The following SLC6A16 variants were observed in gnomAD, a reference collection of about 807,000 sequenced individuals.
The protein encoded by SLC6A16 is solute carrier family 6 member 16.
Under a neutral mutation model 65.4 loss-of-function variants are expected in SLC6A16, and 54 were observed. The ratio of observed to expected loss-of-function variants is 0.83; its 90% CI spans 0.66 to 1.04. SLC6A16 has a LOEUF of 1.04. Ranked by LOEUF, SLC6A16 falls within the 50% of genes least tolerant of loss-of-function variation. SLC6A16 has a pLI of 0.00. For synonymous variants in SLC6A16, 330 were observed against 346.5 expected (o/e 0.95, Z 0.53); for missense variants, 816 against 914.0 (o/e 0.89, Z 1.38).
rs890278542 is a variant in SLC6A16, at chr19:49,292,516, T to C, written c.1778+707A>G. ...ATGGCACTCCCACCTGAAAATGTCATTCTCCTACTCAAAACCCTCCAATGC... is the reference window on the plus strand; with the variant it reads ...ATGGCACTCCCACCTGAAAATGTCACTCTCCTACTCAAAACCCTCCAATGC... On this transcript the variant is annotated intron_variant, in intron 10 of 11. Transcript: ENST00000335875. This position sits in a 1 kb window ranked among gnomAD's most constrained non-coding sequence, Gnocchi z 4.3. 6.6e-6 allele frequency among the ~76,000 whole-genome samples: 1 copy of C among 152,200 alleles called. No homozygotes were observed. The highest frequency in any genetic ancestry group is 2.4e-5 in the African/African-American group (1 of 41,450).
intron 7 of SLC6A16, among the ~76,000 whole-genome samples, chr19:49,307,922 C>T (rs1406765434): frequency 6.7e-6 from 1 of 149,960 alleles, no homozygotes; most frequent in Non-Finnish European, 1.5e-5. Context: ...TTCCTTCCCC[C>T]TCCAAAATTG....
intron 1 of SLC6A16, among the ~76,000 whole-genome samples, chr19:49,321,699 G>A (rs1279321261): frequency 6.6e-6 from 1 of 150,542 alleles, no homozygotes; most frequent in Non-Finnish European, 1.5e-5. Context: ...TCATACCACT[G>A]CACTCCAGCC....
At chr19:49,319,576 CA>C (rs940262811) in intron 1 of SLC6A16, among the ~76,000 whole-genome samples, 26 of 151,308 alleles carry the variant, frequency 1.7e-4, no homozygotes, top group Admixed American at 1.6e-3. Context: ...AGAAAAGACT[CA>C]CATAATTGAA....
chr19:49,334,170 G>A, the SLC6A16 span, among the ~76,000 whole-genome samples: 2 of 152,232 alleles, frequency 1.3e-5, no homozygotes. Context: ...ACAAAAACAA[G>A]TGGGGAAGGG....
rs769827750 is a variant in SLC6A16, at chr19:49,294,032, C to A, written c.1417-4G>T. 30 of 1,606,574 alleles carry A rather than the reference C, an allele frequency of 1.9e-5. No individual in the cohort carries two copies. The highest frequency in any genetic ancestry group is 4.4e-5 in the South Asian group (4 of 91,018). On this transcript the variant is annotated splice_region_variant and splice_polypyrimidine_tract_variant and intron_variant, in intron 8 of 11. Coordinates refer to ENST00000335875, the MANE Select transcript of SLC6A16 (RefSeq NM_014037.3). ...CAAACTTTGGGCCCTCGCTAGCCTG[C>A]AAAGAGAACAAAGAGGTGTTAAAGT...
chr19:49,304,414 G>T (rs183192026), intron 7 of SLC6A16, among the ~76,000 whole-genome samples: 24 of 152,298 alleles, frequency 1.6e-4, no homozygotes, highest in African/African-American at 5.3e-4. Context: ...ATCGATCTCT[G>T]TAGTCAAGGA....
rs1257161213 is a variant in SLC6A16 at position 49,309,010 on chromosome 19, G to A, written c.1095C>T (p.Pro365=). Residue 365 remains proline (P), a synonymous_variant, in exon 7 of 12, where the codon CCC becomes CCT. Coordinates refer to ENST00000335875, the MANE Select transcript of SLC6A16 (RefSeq NM_014037.3). ...CATCACTGAGACAGTTGTTGGACTG[G>A]GGCATGTAGGAGGCTAAGGAGGCAA... The part of the protein sequence containing the change: ...GSVASLASYM[P]QSNNCLSDAF... 2.5e-6 allele frequency: 4 copies of A among 1,614,048 alleles called. No individual in the cohort carries two copies. Among genetic ancestry groups the A allele is most frequent in the Non-Finnish European group, 2.5e-6 (3 of 1,180,040 alleles).
chr19:49,337,523 G>C, the SLC6A16 span: 10 of 789,472 alleles, frequency 1.3e-5, no homozygotes, highest in African/African-American at 1.6e-4. Flanking sequence ...TTGGGAGGTC[G>C]AGGTGGGAGG....
intron 1 of SLC6A16, among the ~76,000 whole-genome samples, chr19:49,318,506 T>C (rs1457077247): frequency 6.6e-6 from 1 of 152,106 alleles, no homozygotes; most frequent in East Asian, 1.9e-4. Flanking sequence ...ATGTCAACCA[T>C]CTAGTCAAAA....
the SLC6A16 span, chr19:49,339,020 G>A: frequency 9.0e-7 from 1 of 1,114,796 alleles, no homozygotes; most frequent in Non-Finnish European, 1.3e-6. This position sits in a 1 kb window ranked among gnomAD's most constrained non-coding sequence, Gnocchi z 4.5. Flanking sequence ...AGCGGCCTGA[G>A]AAAGGGCGGG....
intron 1 of SLC6A16, among the ~76,000 whole-genome samples, chr19:49,311,848 CAAAAAAAAAAGAA>C (rs1170970437): frequency 4.9e-5 from 5 of 101,634 alleles, no homozygotes; most frequent in South Asian, 3.1e-4. Flanking sequence ...GGCTCCATCT[CAAAAAAAAAAGAA>C]AAAAAAAAAA....
In SLC6A16 at chr19:49,309,466, A is replaced by T. The variant is rs558865026; in HGVS notation, c.877-55T>A. The T allele has an allele frequency of 9.2e-6, 13 of 1,419,194 alleles. No homozygotes were observed. In the East Asian group the frequency reaches 9.3e-5, roughly 10 times the overall value. The allele number at this position is 1,419,194 out of a possible 1,614,324, so 87.9% of individuals were successfully genotyped here. A position where few individuals can be genotyped will look rare whatever the true frequency, so the allele number is the denominator to read the frequency against. On this transcript the variant is annotated intron_variant, in intron 5 of 11. Coordinates refer to ENST00000335875, the MANE Select transcript of SLC6A16 (RefSeq NM_014037.3). ...CGTGTACCAGTAGGGGTCAACCAAC[A>T]GTTAGGAGGGATCAAAAGTTCTGAG...
the SLC6A16 span, chr19:49,340,254 G>T: frequency 1.9e-6 from 3 of 1,612,828 alleles, no homozygotes; most frequent in African/African-American, 4.0e-5. Flanking sequence ...TCTATAGCTC[G>T]GGTTCATGAC....
At chr19:49,324,109 C>T (rs936314072) in intron 1 of SLC6A16, among the ~76,000 whole-genome samples, 2 of 151,944 alleles carry the variant, frequency 1.3e-5, no homozygotes, top group African/African-American at 4.8e-5. Flanking sequence ...GCGGGTGGAT[C>T]GGCTGAGGTC....
At chr19:49,335,313 A>C in the SLC6A16 span, 2 of 571,016 alleles carry the variant, frequency 3.5e-6, no homozygotes, top group Non-Finnish European at 6.2e-6. This position sits in a 1 kb window ranked among gnomAD's most constrained non-coding sequence, Gnocchi z 4.6. Context: ...CATGTGTCCC[A>C]GTGGAGCAGG....
chr19:49,320,464 C>T, intron 1 of SLC6A16, among the ~76,000 whole-genome samples: 1 of 150,124 alleles, frequency 6.7e-6, no homozygotes. Flanking sequence ...TAACCTAACT[C>T]TAAAACTTAA....
At chr19:49,333,062 T>C in the SLC6A16 span, among the ~76,000 whole-genome samples, 1 of 151,904 alleles carries the variant, frequency 6.6e-6, no homozygotes, top group Non-Finnish European at 1.5e-5. Flanking sequence ...CTCTGGAGGC[T>C]GAGACAGGAG....
chr19:49,320,134 T>G (rs1600652165), intron 1 of SLC6A16, among the ~76,000 whole-genome samples: 2 of 152,108 alleles, frequency 1.3e-5, no homozygotes, highest in South Asian at 2.1e-4. Context: ...AGAGGCCGGA[T>G]GCAGTGGCTC....
At chr19:49,339,885 G>A in the SLC6A16 span, 1 of 1,342,620 alleles carries the variant, frequency 7.4e-7, no homozygotes, top group Non-Finnish European at 9.6e-7. This position sits in a 1 kb window ranked among gnomAD's most constrained non-coding sequence, Gnocchi z 4.5. Context: ...TGGGGCTCTG[G>A]CCGCTGTGGG....
Sources: gnomAD v4.1 joint callset for allele counts (sites outside exome capture counted in the v4.1 genomes callset) on GRCh38, gnomAD v4.1.1 for gene constraint, Gnocchi (gnomAD v3.1) non-coding constraint, MANE v1.5 for transcripts, NCBI Gene and HGNC (gene_info 2026-07-23, HGNC 2026-07-21) for gene names.